BCAS4: variants seen among roughly 807,000 people sequenced by gnomAD.
The protein encoded by BCAS4 is breast carcinoma-amplified sequence 4.
In BCAS4, 9 loss-of-function variants were observed where a neutral mutation model predicts 15.7. The ratio of observed to expected loss-of-function variants is 0.57; its 90% CI spans 0.34 to 1.00. BCAS4 has a LOEUF of 1.00. BCAS4 is among the 50% of genes least tolerant of loss of function. The probability of loss-of-function intolerance (pLI) is 0.02; values close to 1 mark genes in which losing one functional copy is unlikely to be tolerated. For synonymous variants in BCAS4, 101 were observed against 99.5 expected, an observed-to-expected ratio of 1.02 and a Z score of -0.09; for missense variants, 225 against 239.1, an observed-to-expected ratio of 0.94 and a Z score of 0.39.
intron 4 of BCAS4, among the ~76,000 whole-genome samples, chr20:50,862,950 C>A (rs150632992): frequency 3.5e-4 from 54 of 152,258 alleles, no homozygotes; most frequent in African/African-American, 1.2e-3. Context: ...TGTGCCTCAG[C>A]CTCCTGAGTA....
rs143839266 is a variant in BCAS4 at position 50,831,290 on chromosome 20, G to A, written c.264+910G>A. 2.7e-3 allele frequency among the ~76,000 whole-genome samples: 404 copies of A among 152,176 alleles called. 2 individuals carry two copies. The highest frequency in any genetic ancestry group is 8.8e-3 in the African/African-American group (367 of 41,502). ...CTAAAAATACTAAAATCAACCGGGC[G>A]TGGTGACACACACTGAGGAGGCTGA... On this transcript the variant is annotated intron_variant, in intron 3 of 4. Transcript: ENST00000371608.
In BCAS4 at chr20:50,851,763, C is replaced by T. The variant is rs1224034223; in HGVS notation, c.399+9863C>T. Among the ~76,000 whole-genome samples, 1 of 152,174 alleles carries T rather than the reference C, an allele frequency of 6.6e-6. No homozygotes were observed. The highest frequency in any genetic ancestry group is 1.5e-5 in the Non-Finnish European group (1 of 68,022). On this transcript the variant is annotated intron_variant, in intron 4 of 4. Coordinates refer to ENST00000371608, the MANE Select transcript of BCAS4 (RefSeq NM_198799.4). The surrounding 1 kb of genome is among the most constrained non-coding windows in gnomAD (Gnocchi z 4.3). ...CGGTTCCCCTCCCTGGAAAACCCTT[C>T]CCGCTCCCCACCTGGCAATGTTCAT...
At chr20:50,821,583 C>T (rs1471420414) in intron 2 of BCAS4, among the ~76,000 whole-genome samples, 1 of 152,148 alleles carries the variant, frequency 6.6e-6, no homozygotes, top group Non-Finnish European at 1.5e-5. Flanking sequence ...TGAGTAGGGT[C>T]CTCTAGGAGC....
At chr20:50,881,896 A>C (rs1980123299), downstream of BCAS4, 1 of 152,220 alleles carries the variant, frequency 6.6e-6, no homozygotes, top group African/African-American at 2.4e-5. Flanking sequence ...CCTGGCCTCA[A>C]GTGATCCACC....
intron 1 of BCAS4, among the ~76,000 whole-genome samples, chr20:50,799,664 C>T (rs554537081): frequency 4.7e-4 from 71 of 152,320 alleles, no homozygotes; most frequent in African/African-American, 1.7e-3. Flanking sequence ...TCATTCAGCA[C>T]CTTCAGCCTC....
intron 4 of BCAS4, among the ~76,000 whole-genome samples, chr20:50,845,733 C>A (rs114808900): frequency 6.6e-6 from 1 of 152,256 alleles, no homozygotes; most frequent in East Asian, 1.9e-4. Context: ...GTCTGTTCCT[C>A]ACCCACCCGT....
intron 4 of BCAS4, among the ~76,000 whole-genome samples, chr20:50,863,364 TCTC>T (rs1259954259): frequency 6.0e-5 from 9 of 149,170 alleles, no homozygotes; most frequent in Non-Finnish European, 1.5e-5. Context: ...TTCAAGCAAT[TCTC>T]CTGCCTCAGC....
In BCAS4 at chr20:50,851,218, G is replaced by A. The variant is rs993498368; in HGVS notation, c.399+9318G>A. Among the ~76,000 whole-genome samples, 10 of 152,158 alleles carry A rather than the reference G, an allele frequency of 6.6e-5. No homozygotes were observed. Among genetic ancestry groups the A allele is most frequent in the Non-Finnish European group, 8.8e-5 (6 of 68,030 alleles). ...AGGAAATTGTGAGGCGCCTTCTCCC[G>A]GCCCTGAACCAGCCACTGCTTCTCC... On this transcript the variant is annotated intron_variant, in intron 4 of 4. Transcript: ENST00000371608. The surrounding 1 kb of genome is among the most constrained non-coding windows in gnomAD (Gnocchi z 4.3).
chr20:50,859,016 C>T (rs1196384860), intron 4 of BCAS4, among the ~76,000 whole-genome samples: 1 of 151,990 alleles, frequency 6.6e-6, no homozygotes, highest in Non-Finnish European at 1.5e-5. Context: ...TCACTGCAGC[C>T]TTGACCTCCT....
At chr20:50,857,092 C>G (rs1022600432) in intron 4 of BCAS4, among the ~76,000 whole-genome samples, 1 of 152,132 alleles carries the variant, frequency 6.6e-6, no homozygotes, top group Non-Finnish European at 1.5e-5. Flanking sequence ...TTCAGGGAGC[C>G]CTGTTCAGAA....
intron 4 of BCAS4, among the ~76,000 whole-genome samples, chr20:50,859,781 T>A (rs2123833816): frequency 6.6e-6 from 1 of 152,224 alleles, no homozygotes; most frequent in Middle Eastern, 3.4e-3. Context: ...CAACTCTGGA[T>A]GTGTGTGCGT....
At chr20:50,862,725 G>C (rs1012875034) in intron 4 of BCAS4, among the ~76,000 whole-genome samples, 10 of 151,986 alleles carry the variant, frequency 6.6e-5, no homozygotes, top group Admixed American at 3.3e-4. Context: ...TCTCTGTAGG[G>C]AGGGGGCATA....
chr20:50,859,807 C>A (rs1978973492), intron 4 of BCAS4, among the ~76,000 whole-genome samples: 1 of 152,146 alleles, frequency 6.6e-6, no homozygotes. Context: ...TTGAAATTTT[C>A]TTTTGAGAAC....
At chr20:50,881,230 A>G (rs1411452752), downstream of BCAS4, 1 of 152,160 alleles carries the variant, frequency 6.6e-6, no homozygotes, top group Non-Finnish European at 1.5e-5. Context: ...ACCCTGTCTT[A>G]GAAAGTAAAA....
intron 2 of BCAS4, among the ~76,000 whole-genome samples, chr20:50,827,424 G>A (rs937308501): frequency 6.6e-6 from 1 of 152,222 alleles, no homozygotes; most frequent in African/African-American, 2.4e-5. Flanking sequence ...GGTGGTGCCT[G>A]CGGCTTTCTC....
At chr20:50,805,576 C>T (rs1319348586) in intron 1 of BCAS4, among the ~76,000 whole-genome samples, 1 of 152,200 alleles carries the variant, frequency 6.6e-6, no homozygotes, top group Non-Finnish European at 1.5e-5. Context: ...TTGCTACAGT[C>T]TCCACCCCTC....
chr20:50,831,740 T>C (rs1384000179), intron 3 of BCAS4, among the ~76,000 whole-genome samples: 3 of 152,098 alleles, frequency 2.0e-5, no homozygotes, highest in African/African-American at 7.2e-5. Context: ...GGCCCTGGGC[T>C]TGGGACCCTG....
chr20:50,796,487 ATTTTTTTTTTTTTT>A (rs34988437), intron 1 of BCAS4, among the ~76,000 whole-genome samples: 2 of 6,776 alleles, frequency 3.0e-4, no homozygotes, highest in African/African-American at 9.7e-4. Flanking sequence ...ATATATATAT[ATTTTTTTTTTTTTT>A]TTTTTTTTTT....
chr20:50,798,423 C>T (rs1354917324), intron 1 of BCAS4, among the ~76,000 whole-genome samples: 1 of 152,118 alleles, frequency 6.6e-6, no homozygotes. Context: ...CCTGTGGTCC[C>T]AGTACTTTGG....
Sources: allele counts gnomAD v4.1 joint callset (sites outside exome capture counted in the v4.1 genomes callset), GRCh38; gene constraint gnomAD v4.1.1; non-coding constraint Gnocchi (gnomAD v3.1); transcripts MANE v1.5; gene names NCBI Gene and HGNC (gene_info 2026-07-23, HGNC 2026-07-21).